ANXA7: variants seen among roughly 807,000 people sequenced by gnomAD.
The protein encoded by ANXA7 is annexin VII.
Under a neutral mutation model 64.9 loss-of-function variants are expected in ANXA7, and 55 were observed. The observed-to-expected ratio is 0.85, with a 90% CI of 0.68 to 1.06. The LOEUF (loss-of-function observed/expected upper bound fraction) is 1.06. Ranked by LOEUF, ANXA7 falls within the 50% of genes least tolerant of loss-of-function variation. The pLI is 0.00. For synonymous variants in ANXA7, 200 were observed against 192.4 expected (o/e 1.04, Z -0.33); for missense variants, 548 against 582.1 (o/e 0.94, Z 0.60).
intron 9 of ANXA7, 127 bp downstream of exon 9, chr10:73,383,048 T>G: frequency 1.3e-6 from 1 of 764,846 alleles, no homozygotes; most frequent in Non-Finnish European, 2.0e-6. Flanking sequence ...GTTTCTGTGT[T>G]GTCCCTCTTA....
intron 2 of ANXA7, among the ~76,000 whole-genome samples, chr10:73,399,451 C>T (rs967093749): frequency 6.6e-6 from 1 of 152,164 alleles, no homozygotes; most frequent in African/African-American, 2.4e-5. Context: ...CATAAGGATA[C>T]ATATTATCAT....
intron 12 of ANXA7, 149 bp from the exon 13 acceptor site, chr10:73,376,366 C>A: frequency 1.4e-6 from 1 of 690,856 alleles, no homozygotes; most frequent in Non-Finnish European, 2.2e-6. Context: ...GCACTCATAC[C>A]AATGCTAGCA....
In ANXA7 at chr10:73,383,630, G is replaced by T; in HGVS notation, c.694C>A (p.Leu232Ile). ...TCGTAATACGTAGGAGGCATGAAGA[G>T]GGCCAGGATCAGTTCTTCCATATTT... Reference protein sequence around the residue: ...SGNMEELILALFMPPTYYDAW... With the variant: ...SGNMEELILAIFMPPTYYDAW... Residue 232 changes from leucine to isoleucine, a missense_variant, in exon 8 of 13, where the codon CTC becomes ATC. Physicochemically the swap from Leu to Ile is conservative, Grantham distance 5. Coordinates refer to ENST00000372921, the MANE Select transcript of ANXA7 (RefSeq NM_001156.5). 6.2e-7 allele frequency: 1 copy of T among 1,613,926 alleles called. No individual in the cohort carries two copies. The highest frequency in any genetic ancestry group is 8.5e-7 in the Non-Finnish European group (1 of 1,179,882).
At chr10:73,396,462 T>C (rs1185832307) in intron 5 of ANXA7, 57 bp downstream of exon 5, 1 of 1,313,038 alleles carries the variant, frequency 7.6e-7, no homozygotes, top group East Asian at 2.3e-5. Flanking sequence ...CAGCAAAGGA[T>C]AGGTTCCTTC....
chr10:73,398,412 A>T (rs1797704250), intron 2 of ANXA7, 27 bp from the exon 3 acceptor site: 1 of 1,580,774 alleles, frequency 6.3e-7, no homozygotes, highest in Non-Finnish European at 8.7e-7. Context: ...ATTTTTAAAC[A>T]AATACGATCA....
In ANXA7 at chr10:73,387,696, T is replaced by C. The variant is rs61732390; in HGVS notation, c.626A>G (p.Tyr209Cys). 2.9e-3 allele frequency: 4,664 copies of C among 1,613,540 alleles called. 11 individuals are homozygous for C. The highest frequency in any genetic ancestry group is 3.5e-3 in the Non-Finnish European group (4,143 of 1,179,504). The change falls in exon 7 of 13, where the codon TAT becomes TGT. Residue 209 changes from tyrosine to cysteine, a missense_variant. By Grantham distance (194) the Tyr-to-Cys change is radical. Coordinates refer to ENST00000372921, the MANE Select transcript of ANXA7 (RefSeq NM_001156.5). ...QKIKAAFKTS[Y>C]GKDLIKDLKS... is the part of the protein sequence containing the mutation. Reference sequence around the variant, plus strand: ...CAGGAAAGAAAAACATACCTTGCCATAGGAGGTCTTAAATGCTGCTTTAAT... The same window carrying C: ...CAGGAAAGAAAAACATACCTTGCCACAGGAGGTCTTAAATGCTGCTTTAAT...
intron 5 of ANXA7, among the ~76,000 whole-genome samples, chr10:73,391,431 C>A (rs2055481033): frequency 6.6e-6 from 1 of 151,546 alleles, no homozygotes; most frequent in Admixed American, 6.6e-5. Flanking sequence ...GGCAACACAG[C>A]AAAACCTTCA....
At chr10:73,391,973 AAAG>A (rs2055491272) in intron 5 of ANXA7, among the ~76,000 whole-genome samples, 1 of 152,234 alleles carries the variant, frequency 6.6e-6, no homozygotes, top group Non-Finnish European at 1.5e-5. Flanking sequence ...AAAAAAGGAA[AAAG>A]AGAAGAATTA....
At chr10:73,390,693 A>AAT (rs142703167) in intron 5 of ANXA7, among the ~76,000 whole-genome samples, 16,416 of 127,194 alleles carry the variant, frequency 0.13, 1,015 homozygotes, top group Admixed American at 0.2. Flanking sequence ...TCTTTTGTAA[A>AAT]ATATATATAT....
chr10:73,390,467 G>C (rs185708806), intron 5 of ANXA7, among the ~76,000 whole-genome samples: 9 of 152,042 alleles, frequency 5.9e-5, no homozygotes, highest in African/African-American at 2.2e-4. Context: ...TACCTATAGT[G>C]GTTTTAATAG....
At chr10:73,412,679 G>C (rs1241778657) in intron 1 of ANXA7, among the ~76,000 whole-genome samples, 1 of 151,602 alleles carries the variant, frequency 6.6e-6, no homozygotes, top group East Asian at 1.9e-4. Flanking sequence ...TTTTTAAGTA[G>C]AGACGGGGTT....
At chr10:73,377,624 G>A (rs961186872) in intron 12 of ANXA7, 4 of 146,066 alleles carry the variant, frequency 2.7e-5, no homozygotes, top group Non-Finnish European at 6.0e-5. Flanking sequence ...ATAATTTAGG[G>A]TATTTTTTTG....
intron 5 of ANXA7, among the ~76,000 whole-genome samples, chr10:73,388,621 A>G (rs1224162847): frequency 6.6e-6 from 1 of 152,204 alleles, no homozygotes; most frequent in Non-Finnish European, 1.5e-5. Flanking sequence ...TCTCCTGCCA[A>G]CAGATAGCCA....
At chr10:73,387,253 G>C (rs966427260) in intron 7 of ANXA7, among the ~76,000 whole-genome samples, 1 of 152,022 alleles carries the variant, frequency 6.6e-6, no homozygotes, top group Non-Finnish European at 1.5e-5. Flanking sequence ...GGTGGCTCAC[G>C]CCTGTAATCC....
At chr10:73,400,686 T>C in intron 2 of ANXA7, 117 bp downstream of exon 2, 1 of 745,582 alleles carries the variant, frequency 1.3e-6, no homozygotes. Context: ...TTCTACGTAG[T>C]ACCTCTGAGC....
At chr10:73,401,536 G>A (rs900964858) in intron 1 of ANXA7, among the ~76,000 whole-genome samples, 2 of 151,404 alleles carry the variant, frequency 1.3e-5, no homozygotes, top group African/African-American at 4.9e-5. Context: ...GTCTCACCCT[G>A]TTGCCCAGGC....
At chr10:73,408,296 A>T (rs1488925130) in intron 1 of ANXA7, 1 of 152,074 alleles carries the variant, frequency 6.6e-6, no homozygotes, top group Non-Finnish European at 1.5e-5. Context: ...CTCCAGTTGA[A>T]AGAAAAGACA....
At chr10:73,376,908 C>A (rs1319170308) in intron 12 of ANXA7, among the ~76,000 whole-genome samples, 1 of 152,150 alleles carries the variant, frequency 6.6e-6, no homozygotes, top group Non-Finnish European at 1.5e-5. Flanking sequence ...AGACAACACT[C>A]ACAAAAAGAC....
At chr10:73,399,374 C>A in intron 2 of ANXA7, among the ~76,000 whole-genome samples, 1 of 152,214 alleles carries the variant, frequency 6.6e-6, no homozygotes, top group Admixed American at 6.5e-5. Context: ...TACATAGGGA[C>A]TTGGGAACAT....
Sources: gnomAD v4.1 joint callset for allele counts (sites outside exome capture counted in the v4.1 genomes callset) on GRCh38, gnomAD v4.1.1 for gene constraint, MANE v1.5 for transcripts, NCBI Gene and HGNC (gene_info 2026-07-23, HGNC 2026-07-21) for gene names.